KIF13A: variants seen among roughly 807,000 people sequenced by gnomAD.
The protein encoded by KIF13A is kinesin family member 13A, also known as kinesin-like protein KIF13A.
KIF13A carries 79 observed loss-of-function variants against 212.2 expected under a neutral mutation model. That is an observed-to-expected ratio of 0.37 (90% CI 0.31 to 0.45). The LOEUF (loss-of-function observed/expected upper bound fraction) is 0.45, where lower values mean the gene tolerates loss of function less well. Ranked by LOEUF, KIF13A falls within the 20% of genes least tolerant of loss-of-function variation. The pLI, the probability that KIF13A is intolerant of heterozygous loss-of-function variation, is 1.00. For missense variants in KIF13A, 1,901 were observed against 2,209.0 expected (o/e 0.86, Z 2.79); for synonymous variants, 789 against 808.6 (o/e 0.98, Z 0.41).
Position 17,785,379 on chromosome 6 carries a change from G to C in KIF13A, c.3488+136C>G. The C allele has an allele frequency of 1.0e-6, 1 of 978,826 alleles. No homozygotes were observed. 60.6% of individuals were successfully genotyped at this position (978,826 alleles called of 1,614,324 possible). Reference sequence around the variant, plus strand: ...GAAAAAAAGGGATGGAAGCATTAGAGATGAGTGGACATTCCCTAAGTAGTT... The same window carrying C: ...GAAAAAAAGGGATGGAAGCATTAGACATGAGTGGACATTCCCTAAGTAGTT... On this transcript the variant is annotated intron_variant, in intron 28 of 38. Transcript: ENST00000259711. This position sits in a 1 kb window ranked among gnomAD's most constrained non-coding sequence, Gnocchi z 5.8.
chr6:17,987,261 C>T lies in KIF13A; in HGVS notation c.56-117G>A. ...TGGAGGCGGCCGAGCCTGGAGACGG[C>T]GCCCCGGGCACCACGGCCAGCGCGG... is the stretch of plus-strand genomic sequence containing the variant. On this transcript the variant is annotated intron_variant, in intron 1 of 38. Coordinates refer to ENST00000259711, the MANE Select transcript of KIF13A (RefSeq NM_022113.6). This position sits in a 1 kb window ranked among gnomAD's most constrained non-coding sequence, Gnocchi z 7.7. 3 of 880,964 alleles carry T rather than the reference C, an allele frequency of 3.4e-6. No homozygotes were observed. The highest frequency in any genetic ancestry group is 4.5e-6 in the Non-Finnish European group (3 of 670,782). The allele number at this position is 880,964 out of a possible 1,614,324, so 54.6% of individuals were successfully genotyped here.
At chr6:17,795,445 A>T (rs1359752604) in intron 23 of KIF13A, among the ~76,000 whole-genome samples, 1 of 150,096 alleles carries the variant, frequency 6.7e-6, no homozygotes, top group Non-Finnish European at 1.5e-5. Flanking sequence ...AAAAAAAAAA[A>T]TTATCCGGGC....
chr6:17,822,030 G>C, intron 16 of KIF13A: 1 of 944,826 alleles, frequency 1.1e-6, no homozygotes, highest in Non-Finnish European at 1.5e-6. Flanking sequence ...TGGGGTAGGG[G>C]GAAACATAAC....
chr6:17,854,849 G>A (rs558922363), intron 6 of KIF13A, among the ~76,000 whole-genome samples: 86 of 151,944 alleles, frequency 5.7e-4, no homozygotes, highest in South Asian at 1.2e-3. Context: ...CACTGTACCC[G>A]GCCCCAAATT....
intron 31 of KIF13A, among the ~76,000 whole-genome samples, chr6:17,780,036 G>A (rs1339330652): frequency 3.9e-5 from 6 of 152,244 alleles, no homozygotes; most frequent in Admixed American, 1.3e-4. Context: ...GTGAGCCACC[G>A]CGCCCAGCCA....
chr6:17,778,329 T>C (rs1294060882), intron 33 of KIF13A, among the ~76,000 whole-genome samples: 1 of 152,194 alleles, frequency 6.6e-6, no homozygotes, highest in Non-Finnish European at 1.5e-5. Context: ...TCAGGTGGGA[T>C]TTCCACTAAG....
chr6:17,792,902 C>T (rs775134440), intron 25 of KIF13A, among the ~76,000 whole-genome samples: 2 of 152,176 alleles, frequency 1.3e-5, no homozygotes, highest in Non-Finnish European at 2.9e-5. Flanking sequence ...GGCTTACACT[C>T]AGACTCCATA....
intron 14 of KIF13A, among the ~76,000 whole-genome samples, chr6:17,827,144 G>C (rs1303828600): frequency 6.6e-6 from 1 of 151,978 alleles, no homozygotes; most frequent in African/African-American, 2.4e-5. Flanking sequence ...GTCCAGGCTG[G>C]AGTGCAATGG....
chr6:17,962,816 A>G (rs534914537), intron 2 of KIF13A, among the ~76,000 whole-genome samples: 2 of 152,132 alleles, frequency 1.3e-5, no homozygotes, highest in Non-Finnish European at 2.9e-5. Context: ...TTTAATTGGA[A>G]TCTTCCTCAT....
At chr6:17,928,078 ACCT>A (rs1258049320) in intron 2 of KIF13A, among the ~76,000 whole-genome samples, 1 of 152,074 alleles carries the variant, frequency 6.6e-6, no homozygotes, top group Non-Finnish European at 1.5e-5. Context: ...AAAGCTGAAG[ACCT>A]CCTGCAGAAA....
In KIF13A at chr6:17,934,422, G is replaced by C. The variant is rs906174622; in HGVS notation, c.147-36242C>G. On this transcript the variant is annotated intron_variant, in intron 2 of 38. Coordinates refer to ENST00000259711, the MANE Select transcript of KIF13A (RefSeq NM_022113.6). The surrounding 1 kb of genome is among the most constrained non-coding windows in gnomAD (Gnocchi z 5.4). ...TGCTACATGCTCCCAAAGCTAAAAA[G>C]CCAAATGAAATATTCCAGCAGGTAG... 6.6e-6 allele frequency among the ~76,000 whole-genome samples: 1 copy of C among 152,080 alleles called. No individual in the cohort carries two copies. The highest frequency in any genetic ancestry group is 1.5e-5 in the Non-Finnish European group (1 of 68,014).
In KIF13A at chr6:17,786,852, C is replaced by G. The variant is rs185342497; in HGVS notation, c.3361+924G>C. The stretch of plus-strand genomic sequence containing the variant: ...GAGGGAGACTTTCTGCTAGCTTCTA[C>G]ATGAAATGGATTAACATGCATGATG... On this transcript the variant is annotated intron_variant, in intron 27 of 38. Coordinates refer to ENST00000259711, the MANE Select transcript of KIF13A (RefSeq NM_022113.6). The surrounding 1 kb of genome is among the most constrained non-coding windows in gnomAD (Gnocchi z 5.4). 6.5e-4 allele frequency among the ~76,000 whole-genome samples: 99 copies of G among 152,314 alleles called. No individual in the cohort carries two copies. The East Asian group carries it at 0.018, about 28-fold the overall frequency.
At chr6:17,810,469 T>A (rs1488912111) in intron 17 of KIF13A, among the ~76,000 whole-genome samples, 5 of 152,206 alleles carry the variant, frequency 3.3e-5, no homozygotes, top group Non-Finnish European at 7.3e-5. Context: ...TCTACACCAG[T>A]GGTCCCCAAC....
chr6:17,899,664 CT>C lies in KIF13A; in HGVS notation c.147-1485del, dbSNP rs1772888488. Reference sequence around the variant, plus strand: ...TTGAAAGGGAATGAGCCCTTATTGCCTTATGTCATTCCCTCAGACAGACACA... The same window carrying C: ...TTGAAAGGGAATGAGCCCTTATTGCCTATGTCATTCCCTCAGACAGACACA... On this transcript the variant is annotated intron_variant, in intron 2 of 38. Coordinates refer to ENST00000259711, the MANE Select transcript of KIF13A (RefSeq NM_022113.6). This position sits in a 1 kb window ranked among gnomAD's most constrained non-coding sequence, Gnocchi z 5.2. Among the ~76,000 whole-genome samples, 2 of 152,264 alleles carry C rather than the reference CT, an allele frequency of 1.3e-5. No individual in the cohort carries two copies.
chr6:17,940,198 CTCT>C (rs563115605), intron 2 of KIF13A, among the ~76,000 whole-genome samples: 90 of 151,434 alleles, frequency 5.9e-4, no homozygotes, highest in Admixed American at 1.6e-3. Context: ...CCTCCTCTTC[CTCT>C]TCTTCTTTTG....
rs1489285085 is a variant in KIF13A, at chr6:17,984,898, G to C, written c.146+2156C>G. Among the ~76,000 whole-genome samples, 1 of 152,194 alleles carries C rather than the reference G, an allele frequency of 6.6e-6. No homozygotes were observed. ...CAGAAATGAATTGCAAACATAGCAT[G>C]AAGCACTGCTGCAATTAATCAACCC... On this transcript the variant is annotated intron_variant, in intron 2 of 38. Transcript: ENST00000259711. The surrounding 1 kb of genome is among the most constrained non-coding windows in gnomAD (Gnocchi z 5.0).
intron 3 of KIF13A, among the ~76,000 whole-genome samples, chr6:17,891,120 T>G (rs185211740): frequency 1.2e-4 from 19 of 152,286 alleles, no homozygotes; most frequent in Admixed American, 9.8e-4. Context: ...GAAGCAGATG[T>G]CTCATGTTTG....
At chr6:17,804,744 CAG>C (rs1762784243) in intron 19 of KIF13A, among the ~76,000 whole-genome samples, 1 of 128,104 alleles carries the variant, frequency 7.8e-6, no homozygotes, top group African/African-American at 2.9e-5. Flanking sequence ...ACCCAGGAGA[CAG>C]AGGTTTCAGT....
chr6:17,952,678 C>T (rs1462606868), intron 2 of KIF13A, among the ~76,000 whole-genome samples: 1 of 152,104 alleles, frequency 6.6e-6, no homozygotes, highest in Admixed American at 6.5e-5. Flanking sequence ...TGCCTGTAAT[C>T]CCAGCACTTT....
Sources: allele counts gnomAD v4.1 joint callset (sites outside exome capture counted in the v4.1 genomes callset), GRCh38; gene constraint gnomAD v4.1.1; non-coding constraint Gnocchi (gnomAD v3.1); transcripts MANE v1.5; gene names NCBI Gene and HGNC (gene_info 2026-07-23, HGNC 2026-07-21).